The following MTMR3 variants were observed in gnomAD, a reference collection of about 807,000 sequenced individuals.
The protein encoded by MTMR3 is phosphatidylinositol-3,5-bisphosphate 3-phosphatase MTMR3.
In MTMR3, 32 loss-of-function variants were observed where a neutral mutation model predicts 132.4. The observed-to-expected ratio is 0.24, with a 90% CI of 0.18 to 0.32. MTMR3 has a LOEUF of 0.32. Among genes scored for constraint, MTMR3 ranks in the 10% least tolerant of loss-of-function variants. The pLI, the probability that MTMR3 is intolerant of heterozygous loss-of-function variation, is 1.00. For missense variants in MTMR3, 1,216 were observed against 1,489.6 expected, an observed-to-expected ratio of 0.82 and a Z score of 3.02; for synonymous variants, 556 against 550.3, an observed-to-expected ratio of 1.01 and a Z score of -0.14.
chr22:29,885,870 A>AG (rs910195845), intron 1 of MTMR3, among the ~76,000 whole-genome samples: 2 of 152,264 alleles, frequency 1.3e-5, no homozygotes, highest in South Asian at 2.1e-4. Context: ...CGTGTTTTAG[A>AG]GGGGGGTGTG....
intron 1 of MTMR3, among the ~76,000 whole-genome samples, chr22:29,916,570 A>G (rs75009362): frequency 0.061 from 7,064 of 115,934 alleles, 552 homozygotes; most frequent in African/African-American, 0.2. Flanking sequence ...GTTCGGTGCT[A>G]TTGTTCAGCA....
intron 2 of MTMR3, among the ~76,000 whole-genome samples, chr22:29,959,759 AT>A (rs35031180): frequency 0.3 from 40,645 of 133,876 alleles, 6,047 homozygotes; most frequent in East Asian, 0.65. Flanking sequence ...AAAAGTGTTA[AT>A]TTTTTTTTTT....
At chr22:29,958,409 C>G (rs1359483011) in intron 2 of MTMR3, among the ~76,000 whole-genome samples, 2 of 152,164 alleles carry the variant, frequency 1.3e-5, no homozygotes, top group African/African-American at 4.8e-5. Flanking sequence ...CATAACATTT[C>G]AGGTTCTTTA....
chr22:29,910,416 G>T (rs1277417042), intron 1 of MTMR3, among the ~76,000 whole-genome samples: 1 of 152,178 alleles, frequency 6.6e-6, no homozygotes, highest in African/African-American at 2.4e-5. Context: ...AGTTGTTTCA[G>T]AGTGATTACT....
chr22:29,925,909 G>A lies in MTMR3; in HGVS notation c.-137-31127G>A, dbSNP rs367955405. Among the ~76,000 whole-genome samples the A allele has an allele frequency of 2.0e-4, 30 of 151,946 alleles. No individual in the cohort carries two copies. The East Asian group carries it at 5.6e-3, about 28-fold the overall frequency. On this transcript the variant is annotated intron_variant, in intron 1 of 19. Transcript: ENST00000401950. The stretch of plus-strand genomic sequence containing the variant: ...CAGCCTGAACCACAGAACAAGACTC[G>A]GTCTCAAAAAATAAAATAAAATAAA...
intron 19 of MTMR3, 194 bp from the exon 20 acceptor site, chr22:30,025,436 T>C (rs1818854220): frequency 3.3e-6 from 2 of 601,274 alleles, no homozygotes; most frequent in Non-Finnish European, 5.9e-6. Flanking sequence ...AAAGTGAAAA[T>C]GACATGTGAC....
rs138133400 is a variant in MTMR3 at position 29,888,426 on chromosome 22, A to G, written c.-138+5067A>G. ...GGGACATAGTACTTGGGCAATGTGG[A>G]TAGAATGACTGTCTATAAAATAGTA... On this transcript the variant is annotated intron_variant, in intron 1 of 19. Coordinates refer to ENST00000401950, the MANE Select transcript of MTMR3 (RefSeq NM_021090.4). Among the ~76,000 whole-genome samples, 597 of 152,286 alleles carry G rather than the reference A, an allele frequency of 3.9e-3. 3 individuals carry two copies. The highest frequency in any genetic ancestry group is 7.6e-3 in the Non-Finnish European group (516 of 68,022).
chr22:29,952,328 T>G (rs1287868529), intron 1 of MTMR3, among the ~76,000 whole-genome samples: 1 of 152,010 alleles, frequency 6.6e-6, no homozygotes, highest in Non-Finnish European at 1.5e-5. Context: ...ATCATGAAGT[T>G]GCATCTGGAA....
At chr22:29,950,369 T>A (rs572983377) in intron 1 of MTMR3, among the ~76,000 whole-genome samples, 21 of 151,822 alleles carry the variant, frequency 1.4e-4, no homozygotes, top group East Asian at 3.9e-4. Context: ...TTTTATTTAT[T>A]TTTTTATTTT....
chr22:30,002,872 C>A lies in MTMR3; in HGVS notation c.558-8C>A. The A allele has an allele frequency of 6.2e-7, 1 of 1,608,202 alleles. No individual in the cohort carries two copies. Among genetic ancestry groups the A allele is most frequent in the South Asian group, 1.1e-5 (1 of 90,874 alleles). On this transcript the variant is annotated splice_polypyrimidine_tract_variant and splice_region_variant and intron_variant, in intron 8 of 19. Coordinates refer to ENST00000401950, the MANE Select transcript of MTMR3 (RefSeq NM_021090.4). ...CTTGACTCTCCCCACTTCTCATCTT[C>A]TCTTTAGATTATGTGGTAGCTATCC...
chr22:30,006,968 C>A, intron 9 of MTMR3, 146 bp from the exon 10 acceptor site: 4 of 715,158 alleles, frequency 5.6e-6, no homozygotes, highest in Non-Finnish European at 9.1e-6. Flanking sequence ...TGTAAGATTT[C>A]TACCCTCTTT....
Position 30,012,375 on chromosome 22 carries a change from T to C in MTMR3, c.1129T>C (p.Ser377Pro). 6.2e-7 allele frequency: 1 copy of C among 1,612,734 alleles called. No homozygotes were observed. The highest frequency in any genetic ancestry group is 1.1e-5 in the South Asian group (1 of 90,736). The change falls in exon 13 of 20, where the codon TCA becomes CCA. Residue 377 changes from serine (S) to proline (P), a missense_variant. By Grantham distance (74) the Ser-to-Pro change is moderately conservative. This residue lies in a region of MTMR3 where 106 missense variants were observed against 209.5 expected (regional missense o/e 0.51). Coordinates refer to ENST00000401950, the MANE Select transcript of MTMR3 (RefSeq NM_021090.4). ...CCTCTCCTGTTTTTATAGTTGGCTA[T>C]CAGCTCTTGAAAGCACAAAATGGCT... ...TQMPDPGNWL[S>P]ALESTKWLHH...
intron 1 of MTMR3, among the ~76,000 whole-genome samples, chr22:29,919,763 A>G (rs957381378): frequency 6.6e-6 from 1 of 152,152 alleles, no homozygotes; most frequent in African/African-American, 2.4e-5. Flanking sequence ...CCTGAGCTCA[A>G]GCAGTCCTCC....
chr22:29,926,289 G>C lies in MTMR3; in HGVS notation c.-137-30747G>C, dbSNP rs151260811. ...TGGATATACCACATTTTGTTCATCC[G>C]TCAGTGATCATTTGGGTTTTTATTA... On this transcript the variant is annotated intron_variant, in intron 1 of 19. Coordinates refer to ENST00000401950, the MANE Select transcript of MTMR3 (RefSeq NM_021090.4). Among the ~76,000 whole-genome samples the C allele has an allele frequency of 2.7e-3, 404 of 152,228 alleles. 3 individuals are homozygous for C. The highest frequency in any genetic ancestry group is 9.3e-3 in the African/African-American group (386 of 41,520).
rs773961910 is a variant in MTMR3 at position 30,020,644 on chromosome 22, T to G, written c.2985T>G (p.His995Gln). The change falls in exon 17 of 20, where the codon CAT (histidine) becomes CAG (glutamine). Residue 995 changes from histidine (H) to glutamine (Q), a missense_variant. This residue lies in a region of MTMR3 where 852 missense variants were observed against 852.0 expected (regional missense o/e 1.00). Coordinates refer to ENST00000401950, the MANE Select transcript of MTMR3 (RefSeq NM_021090.4). ...GGAACTTGCACCACAAGTGGCTGCA[T>G]AGCCACTCAGGAAGGCCATCTGCAA... ...HSRNLHHKWL[H>Q]SHSGRPSATS... 8.7e-6 allele frequency: 14 copies of G among 1,614,040 alleles called. No homozygotes were observed. The East Asian group carries it at 3.1e-4, about 36-fold the overall frequency.
At chr22:29,889,652 T>C (rs9614097) in intron 1 of MTMR3, among the ~76,000 whole-genome samples, 24,387 of 151,940 alleles carry the variant, frequency 0.16, 2,057 homozygotes, top group South Asian at 0.24. Context: ...CTGGATGTAA[T>C]GTTTGGTATT....
chr22:29,987,626 C>G (rs1377053028), intron 5 of MTMR3: 1 of 152,192 alleles, frequency 6.6e-6, no homozygotes, highest in Non-Finnish European at 1.5e-5. Context: ...GGAGGATCCT[C>G]ATATTATCCT....
At chr22:29,884,857 G>A (rs917391825) in intron 1 of MTMR3, among the ~76,000 whole-genome samples, 17 of 152,216 alleles carry the variant, frequency 1.1e-4, no homozygotes, top group African/African-American at 3.6e-4. Flanking sequence ...AGCCACTGCC[G>A]CCAGCCAGAA....
Position 30,012,580 on chromosome 22 carries a change from G to C in MTMR3, c.1317+17G>C. The C allele has an allele frequency of 6.3e-7, 1 of 1,582,488 alleles. No individual in the cohort carries two copies. On this transcript the variant is annotated intron_variant, in intron 13 of 19. Transcript: ENST00000401950. ...ACCATAGAGGTGAGCCCATCCAAAT[G>C]GGAGGGGTTGGTACTTCAGGATGAG...
Sources: allele counts gnomAD v4.1 joint callset (sites outside exome capture counted in the v4.1 genomes callset), GRCh38; gene constraint gnomAD v4.1.1; regional missense constraint gnomAD v4.1.1; transcripts MANE v1.5; gene names NCBI Gene and HGNC (gene_info 2026-07-23, HGNC 2026-07-21).